Variants in SYNE3 observed in about 807,000 individuals in gnomAD.
The protein encoded by SYNE3 is spectrin repeat containing nuclear envelope family member 3.
A neutral mutation model predicts 111.2 loss-of-function variants in SYNE3; 100 were observed. The observed-to-expected ratio is 0.90, with a 90% CI of 0.77 to 1.06. The LOEUF is 1.06. Ranked by LOEUF, SYNE3 falls within the 50% of genes least tolerant of loss-of-function variation. The pLI is 0.00. For synonymous variants in SYNE3, 547 were observed against 533.9 expected, an observed-to-expected ratio of 1.02 and a Z score of -0.34; for missense variants, 1,160 against 1,240.3, an observed-to-expected ratio of 0.94 and a Z score of 0.97.
At chr14:95,488,048 T>G (rs1269222410) in intron 1 of SYNE3, among the ~76,000 whole-genome samples, 1 of 152,256 alleles carries the variant, frequency 6.6e-6, no homozygotes, top group African/African-American at 2.4e-5. Context: ...AATATCATTT[T>G]CTTTTCTCTA....
intron 1 of SYNE3, among the ~76,000 whole-genome samples, chr14:95,477,395 G>C (rs1193206080): frequency 6.6e-6 from 1 of 152,130 alleles, no homozygotes; most frequent in Non-Finnish European, 1.5e-5. Context: ...ACCATTGGAA[G>C]TTTGTTTTTT....
chr14:95,446,916 G>A (rs1886753505), intron 8 of SYNE3, among the ~76,000 whole-genome samples: 1 of 152,172 alleles, frequency 6.6e-6, no homozygotes, highest in Non-Finnish European at 1.5e-5. Context: ...CTCTCCAGCT[G>A]TTTCAGGTAA....
rs1054874477 is a variant in SYNE3 at position 95,408,864 on chromosome 14, T to C, written c.*8962A>G. 8.8e-6 allele frequency: 3 copies of C among 339,286 alleles called. No individual in the cohort carries two copies. Among genetic ancestry groups the C allele is most frequent in the South Asian group, 2.3e-5 (1 of 43,518 alleles). The allele number at this position is 339,286 out of a possible 1,614,324, so 21.0% of individuals were successfully genotyped here. On this transcript the variant is annotated 3_prime_UTR_variant, in exon 18 of 18. Coordinates refer to ENST00000682763, the MANE Select transcript of SYNE3 (RefSeq NM_152592.6). ...AGACCGCGCAAAGCCAACTCTGTCCTCTGCCTGCCCCCGCAAGGGCTGGCC... is the reference window on the plus strand; with the variant it reads ...AGACCGCGCAAAGCCAACTCTGTCCCCTGCCTGCCCCCGCAAGGGCTGGCC...
Position 95,446,059 on chromosome 14 carries a change from C to T in SYNE3, c.1482G>A (p.Glu494=), listed in dbSNP as rs1304427006. The T allele has an allele frequency of 2.5e-6, 4 of 1,614,018 alleles. No individual in the cohort carries two copies. Among genetic ancestry groups the T allele is most frequent in the Non-Finnish European group, 3.4e-6 (4 of 1,180,036 alleles). The change falls in exon 9 of 18, where the codon GAG becomes GAA. Residue 494 remains glutamate, a synonymous_variant. Transcript: ENST00000682763. ...TCTTCAGCTGCAGCATCGTCAGCAG[C>T]TCTTTCAGGCGGGAGCTTTCCATCA... The part of the protein sequence containing the change: ...AALMESSRLK[E]LLTMLQLKKD...
intron 1 of SYNE3, chr14:95,516,332 CG>C (rs1283295017): frequency 6.6e-6 from 1 of 152,250 alleles, no homozygotes; most frequent in African/African-American, 2.4e-5. Context: ...CGAAGCTCCC[CG>C]GGGTTGAAAG....
chr14:95,419,098 T>C (rs1199131072), intron 17 of SYNE3, among the ~76,000 whole-genome samples: 2 of 152,250 alleles, frequency 1.3e-5, no homozygotes, highest in Non-Finnish European at 2.9e-5. Flanking sequence ...TCCTAAGTTC[T>C]GGAGGGACTG....
At chr14:95,475,968 GC>G in intron 1 of SYNE3, 133 bp from the exon 2 acceptor site, 1 of 865,778 alleles carries the variant, frequency 1.2e-6, no homozygotes, top group Non-Finnish European at 1.6e-6. Flanking sequence ...GGGCAATATG[GC>G]CAGAGGTGAG....
Position 95,433,259 on chromosome 14 carries a change from CCA to C in SYNE3, c.2687_2688del (p.Leu896HisfsTer101). ...GGGACCTGCACATCCTTGGCACCTACCAGCAGGTGGCCAGAGTCCTTCAGCTT... is the reference window on the plus strand; with the variant it reads ...GGGACCTGCACATCCTTGGCACCTACGCAGGTGGCCAGAGTCCTTCAGCTT... ...KSKLKDSGHLLTQSSPGEPTG... is the reference protein window; with the variant it reads ...KSKLKDSGHLXTQSSPGEPTG... On this transcript the variant is annotated frameshift_variant and splice_region_variant, in exon 16 of 18. Coordinates refer to ENST00000682763, the MANE Select transcript of SYNE3 (RefSeq NM_152592.6). LOFTEE classifies it low-confidence loss of function (END_TRUNC). 1 of 1,613,314 alleles carries C rather than the reference CCA, an allele frequency of 6.2e-7. No homozygotes were observed. The highest frequency in any genetic ancestry group is 8.5e-7 in the Non-Finnish European group (1 of 1,179,558).
chr14:95,452,405 C>G (rs1887148215), intron 6 of SYNE3, 22 bp from the exon 7 acceptor site: 16 of 1,588,496 alleles, frequency 1.0e-5, no homozygotes, highest in Non-Finnish European at 1.4e-5. Flanking sequence ...GACGACACCG[C>G]AGCGGGAGGT....
rs1293119479 is a variant in SYNE3 at position 95,444,475 on chromosome 14, G to C, written c.1776+10C>G. 1.2e-6 allele frequency: 2 copies of C among 1,602,044 alleles called. No individual in the cohort carries two copies. The highest frequency in any genetic ancestry group is 1.7e-6 in the Non-Finnish European group (2 of 1,172,826). Reference sequence around the variant, plus strand: ...GGGCAGGAGTGATTCAGGCCTCACAGACCCCTCACCTGCAACCTTGAGAGC... The same window carrying C: ...GGGCAGGAGTGATTCAGGCCTCACACACCCCTCACCTGCAACCTTGAGAGC... On this transcript the variant is annotated intron_variant, in intron 10 of 17. Transcript: ENST00000682763.
intron 17 of SYNE3, among the ~76,000 whole-genome samples, chr14:95,420,560 G>A (rs144564272): frequency 7.2e-5 from 11 of 152,290 alleles, no homozygotes; most frequent in Admixed American, 2.6e-4. Context: ...ATACATACAA[G>A]TGTTGACAAG....
intron 13 of SYNE3, 100 bp from the exon 14 acceptor site, chr14:95,439,262 A>G: frequency 6.5e-7 from 1 of 1,528,224 alleles, no homozygotes; most frequent in Non-Finnish European, 9.0e-7. Context: ...GTCACGAGTC[A>G]GTGCCCCCCA....
intron 8 of SYNE3, among the ~76,000 whole-genome samples, chr14:95,446,395 C>CT (rs59023990): frequency 0.35 from 53,559 of 151,958 alleles, 9,766 homozygotes; most frequent in South Asian, 0.48. Context: ...GCCTCTGCCC[C>CT]GACTGCAGTG....
At chr14:95,450,437 G>A in intron 7 of SYNE3, 1 of 253,680 alleles carries the variant, frequency 3.9e-6, no homozygotes, top group Non-Finnish European at 7.5e-6. Context: ...CACTTTGGGA[G>A]GCCAAAGCAG....
In SYNE3 at chr14:95,476,662, T is replaced by C. The variant is rs1376296829; in HGVS notation, c.-14-827A>G. ...AAACTCTTCTGTATTCCAGTTCTAG[T>C]TGTCTGCATATAGCAACCATGTGAC... On this transcript the variant is annotated intron_variant, in intron 1 of 17. Transcript: ENST00000682763. 4.6e-5 allele frequency among the ~76,000 whole-genome samples: 7 copies of C among 152,274 alleles called. No homozygotes were observed. The East Asian group carries it at 1.2e-3, about 25-fold the overall frequency.
At chr14:95,441,576 G>C (rs1397016527) in intron 11 of SYNE3, among the ~76,000 whole-genome samples, 1 of 152,380 alleles carries the variant, frequency 6.6e-6, no homozygotes, top group East Asian at 1.9e-4. Context: ...AACACCGAGT[G>C]ATGCTCAGTT....
At chr14:95,418,253 AAC>A (rs1165991954) in intron 17 of SYNE3, among the ~76,000 whole-genome samples, 19 of 152,202 alleles carry the variant, frequency 1.2e-4, no homozygotes, top group Non-Finnish European at 4.4e-5. Context: ...AAGAATAGAA[AAC>A]ACAGTTGCAG....
chr14:95,467,995 AG>A (rs1303322273), intron 2 of SYNE3, 28 bp from the exon 3 acceptor site: 1 of 1,591,568 alleles, frequency 6.3e-7, no homozygotes, highest in Non-Finnish European at 8.6e-7. Context: ...GCCAGTTTCC[AG>A]GGTTGGCAAA....
intron 1 of SYNE3, among the ~76,000 whole-genome samples, chr14:95,505,682 C>A (rs1309665102): frequency 6.7e-6 from 1 of 149,430 alleles, no homozygotes; most frequent in Non-Finnish European, 1.5e-5. Flanking sequence ...TTTCTTATAG[C>A]TAGATTAAGA....
Sources: gnomAD v4.1 joint callset for allele counts (sites outside exome capture counted in the v4.1 genomes callset) on GRCh38, gnomAD v4.1.1 for gene constraint, MANE v1.5 for transcripts, NCBI Gene and HGNC (gene_info 2026-07-23, HGNC 2026-07-21) for gene names.